The following CRHR1 variants were observed in gnomAD, a reference collection of about 807,000 sequenced individuals.
The protein encoded by CRHR1 is corticotropin-releasing hormone receptor 1.
In CRHR1, 28 loss-of-function variants were observed where a neutral mutation model predicts 56.0. The ratio of observed to expected loss-of-function variants is 0.50; its 90% CI spans 0.37 to 0.69. CRHR1 has a LOEUF of 0.69. Among genes scored for constraint, CRHR1 ranks in the 30% least tolerant of loss-of-function variants. The probability of loss-of-function intolerance (pLI) is 0.00; values close to 1 mark genes in which losing one functional copy is unlikely to be tolerated. For missense variants in CRHR1, 376 were observed against 548.0 expected, an observed-to-expected ratio of 0.69 and a Z score of 3.13; for synonymous variants, 195 against 216.5, an observed-to-expected ratio of 0.90 and a Z score of 0.87.
intron 2 of CRHR1, among the ~76,000 whole-genome samples, chr17:45,808,624 AGGTTTGGTTT>A (rs531218086): frequency 5.9e-4 from 89 of 152,130 alleles, no homozygotes; most frequent in Admixed American, 1.4e-3. Flanking sequence ...TGCCAGTACT[AGGTTTGGTTT>A]GGTTTGGTTT....
chr17:45,794,610 C>T (rs1276242842), intron 1 of CRHR1, among the ~76,000 whole-genome samples: 1 of 152,202 alleles, frequency 6.6e-6, no homozygotes, highest in Non-Finnish European at 1.5e-5. Flanking sequence ...TTACTCAGAC[C>T]CCTTACCCAG....
In CRHR1 at chr17:45,835,002, C is replaced by G. The variant is rs1055855503; in HGVS notation, c.*238C>G. The G allele has an allele frequency of 1.8e-6, 1 of 569,274 alleles. No individual in the cohort carries two copies. The highest frequency in any genetic ancestry group is 1.9e-5 in the African/African-American group (1 of 53,508). 35.3% of individuals were successfully genotyped at this position (569,274 alleles called of 1,614,324 possible). On this transcript the variant is annotated 3_prime_UTR_variant, in exon 13 of 13. Transcript: ENST00000314537. ...GGCCCAGGGCCTCTGGCTTCCCTGC[C>G]CAATCCTCCCTGGAGAAGGGACATG...
At chr17:45,834,440 C>A (rs1257661545) in intron 12 of CRHR1, among the ~76,000 whole-genome samples, 184 bp from the exon 13 acceptor site, 1 of 152,194 alleles carries the variant, frequency 6.6e-6, no homozygotes, top group Non-Finnish European at 1.5e-5. Context: ...ATTTGAGAAA[C>A]CTGTTCCGAC....
At chr17:45,804,547 T>G (rs1229404974) in intron 1 of CRHR1, among the ~76,000 whole-genome samples, 5 of 150,556 alleles carry the variant, frequency 3.3e-5, no homozygotes, top group Non-Finnish European at 1.5e-5. Context: ...GTGGCCCTGG[T>G]GGGGTGGGGT....
Position 45,835,436 on chromosome 17 carries a change from G to A in CRHR1, c.*672G>A. 6.5e-6 allele frequency: 1 copy of A among 153,368 alleles called. No individual in the cohort carries two copies. The highest frequency in any genetic ancestry group is 1.5e-5 in the Non-Finnish European group (1 of 68,580). 9.5% of individuals were successfully genotyped at this position (153,368 alleles called of 1,614,324 possible). A position where few individuals can be genotyped will look rare whatever the true frequency, so the allele number is the denominator to read the frequency against. ...GAACATTTAGTACCCTGCAGGCCAGGCCAGCTTCCCCTCACTTAACCACCC... is the reference window on the plus strand; with the variant it reads ...GAACATTTAGTACCCTGCAGGCCAGACCAGCTTCCCCTCACTTAACCACCC... On this transcript the variant is annotated 3_prime_UTR_variant, in exon 13 of 13. Transcript: ENST00000314537.
chr17:45,800,155 TC>T (rs2061596436), intron 1 of CRHR1: 1 of 152,432 alleles, frequency 6.6e-6, no homozygotes. Context: ...TCTTCTGAGT[TC>T]CTTTCCTTTT....
At chr17:45,807,194 G>A in intron 2 of CRHR1, 97 bp downstream of exon 2, 1 of 1,084,088 alleles carries the variant, frequency 9.2e-7, no homozygotes, top group Middle Eastern at 2.0e-4. Context: ...ATGCCCTAAG[G>A]CAGGATTTGC....
intron 4 of CRHR1, among the ~76,000 whole-genome samples, chr17:45,823,214 C>T (rs1165835311): frequency 6.6e-6 from 1 of 151,806 alleles, no homozygotes; most frequent in Non-Finnish European, 1.5e-5. Flanking sequence ...CACCCAACAC[C>T]TAAGAAATCA....
At position 45,830,061 on chromosome 17, in the gene CRHR1, C is replaced by G. The variant is rs561942960; in HGVS notation, c.435-33C>G. On this transcript the variant is annotated intron_variant, in intron 5 of 12. Coordinates refer to ENST00000314537, the MANE Select transcript of CRHR1 (RefSeq NM_004382.5). ...CTACCCCTCATCCTCTCTCTCCTAT[C>G]GCTCCCATCATCCACCCGCCCTGCT... The G allele has an allele frequency of 1.9e-6, 3 of 1,613,324 alleles. No homozygotes were observed. The Admixed American group carries it at 5.0e-5, about 27-fold the overall frequency.
At chr17:45,831,853 C>T (rs780135885) in intron 8 of CRHR1, among the ~76,000 whole-genome samples, 4 of 152,206 alleles carry the variant, frequency 2.6e-5, no homozygotes, top group Non-Finnish European at 5.9e-5. Flanking sequence ...CCCTCTCCTC[C>T]CCCATGGAGG....
intron 3 of CRHR1, among the ~76,000 whole-genome samples, chr17:45,816,810 G>T (rs1320252074): frequency 6.6e-6 from 1 of 152,194 alleles, no homozygotes; most frequent in East Asian, 1.9e-4. Flanking sequence ...TATAACTAAG[G>T]CCCCTGGGGC....
chr17:45,819,014 C>A (rs372817640), intron 3 of CRHR1, among the ~76,000 whole-genome samples: 1 of 152,142 alleles, frequency 6.6e-6, no homozygotes, highest in African/African-American at 2.4e-5. Flanking sequence ...CTCTGGGTGA[C>A]CCAGCCTCTG....
At chr17:45,823,085 A>T (rs906829245) in intron 4 of CRHR1, among the ~76,000 whole-genome samples, 2 of 151,004 alleles carry the variant, frequency 1.3e-5, no homozygotes, top group African/African-American at 4.9e-5. Context: ...CGGAGGTTGC[A>T]GTGAGCCCAG....
At chr17:45,834,371 T>G (rs752219663) in intron 12 of CRHR1, among the ~76,000 whole-genome samples, 1 of 152,216 alleles carries the variant, frequency 6.6e-6, no homozygotes, top group Non-Finnish European at 1.5e-5. Context: ...GGAGCCTTCA[T>G]GGCAAAGGGC....
chr17:45,833,173 A>G lies in CRHR1; in HGVS notation c.806A>G (p.Asp269Gly). 3 of 1,614,090 alleles carry G rather than the reference A, an allele frequency of 1.9e-6. No individual in the cohort carries two copies. The African/African-American group carries it at 4.0e-5, about 22-fold the overall frequency. The change falls in exon 9 of 13, where the codon GAC (aspartate) becomes GGC (glycine). Residue 269 changes from aspartate to glycine, a missense_variant. Asp to Gly is a moderately conservative substitution (Grantham distance 94). This residue lies in a region of CRHR1 where 369 missense variants were observed against 519.5 expected (regional missense o/e 0.71). Coordinates refer to ENST00000314537, the MANE Select transcript of CRHR1 (RefSeq NM_004382.5). The stretch of plus-strand genomic sequence containing the variant: ...GGCAAAAGGCCTGGGGTGTACACCG[A>G]CTACATCTACCAGGGCCCCATGATC... ...WFGKRPGVYT[D>G]YIYQGPMILV...
At chr17:45,791,164 A>G (rs1180044203) in intron 1 of CRHR1, among the ~76,000 whole-genome samples, 1 of 139,812 alleles carries the variant, frequency 7.2e-6, no homozygotes, top group African/African-American at 2.7e-5. Context: ...CAGAGGTACC[A>G]GGCTGGGTGG....
chr17:45,816,339 C>A, intron 2 of CRHR1, 124 bp from the exon 3 acceptor site: 3 of 1,321,758 alleles, frequency 2.3e-6, no homozygotes, highest in Non-Finnish European at 3.1e-6. Flanking sequence ...TTGTTGTCAT[C>A]CTGTCCCTAG....
At chr17:45,808,685 A>G (rs193160011) in intron 2 of CRHR1, among the ~76,000 whole-genome samples, 70 of 152,332 alleles carry the variant, frequency 4.6e-4, no homozygotes, top group East Asian at 5.8e-4. Flanking sequence ...ATCTCACTCT[A>G]TCACCTAGGC....
At chr17:45,788,008 A>G (rs1447630725) in intron 1 of CRHR1, among the ~76,000 whole-genome samples, 1 of 151,546 alleles carries the variant, frequency 6.6e-6, no homozygotes, top group East Asian at 1.9e-4. Flanking sequence ...AAAGTTGAAC[A>G]CTCACCCAGA....
Sources: allele counts gnomAD v4.1 joint callset (sites outside exome capture counted in the v4.1 genomes callset), GRCh38; gene constraint gnomAD v4.1.1; regional missense constraint gnomAD v4.1.1; transcripts MANE v1.5; gene names NCBI Gene and HGNC (gene_info 2026-07-23, HGNC 2026-07-21).